ATP8B1: variants seen among roughly 807,000 people sequenced by gnomAD.
The protein encoded by ATP8B1 is phospholipid-transporting ATPase IC.
In ATP8B1, 80 loss-of-function variants were observed where a neutral mutation model predicts 149.9. The ratio of observed to expected loss-of-function variants is 0.53; its 90% CI spans 0.45 to 0.64. The LOEUF is 0.64. ATP8B1 is among the 30% of genes least tolerant of loss of function. The pLI is 0.00. For missense variants in ATP8B1, 1,247 were observed against 1,552.6 expected (o/e 0.80, Z 3.31); for synonymous variants, 536 against 562.8 (o/e 0.95, Z 0.67).
At chr18:57,782,076 A>G (rs2080362030) in intron 1 of ATP8B1, among the ~76,000 whole-genome samples, 1 of 152,256 alleles carries the variant, frequency 6.6e-6, no homozygotes, top group Non-Finnish European at 1.5e-5. Flanking sequence ...TGGCAAAACC[A>G]TACCTAACCC....
intron 4 of ATP8B1, among the ~76,000 whole-genome samples, chr18:57,702,585 C>T (rs1343659607): frequency 6.6e-6 from 1 of 152,198 alleles, no homozygotes; most frequent in South Asian, 2.1e-4. Context: ...GCGCCAGGCA[C>T]GGTAGCTCAT....
chr18:57,666,263 C>T (rs1910849165), intron 20 of ATP8B1, among the ~76,000 whole-genome samples: 3 of 152,096 alleles, frequency 2.0e-5, no homozygotes, highest in Non-Finnish European at 2.9e-5. Flanking sequence ...AGGTCTGCTG[C>T]GACTCTGATT....
intron 2 of ATP8B1, among the ~76,000 whole-genome samples, chr18:57,726,359 A>G (rs191481993): frequency 2.6e-4 from 40 of 152,380 alleles, no homozygotes; most frequent in Non-Finnish European, 5.0e-4. Context: ...TGAGATCACA[A>G]GTTAAAAAGC....
intron 2 of ATP8B1, among the ~76,000 whole-genome samples, chr18:57,710,280 T>G (rs62092577): frequency 1.9e-3 from 287 of 152,330 alleles, no homozygotes; most frequent in Non-Finnish European, 3.5e-3. Flanking sequence ...TCCATGTACA[T>G]GTACAGAGAT....
At position 57,687,391 on chromosome 18, in the gene ATP8B1, T is replaced by G. The variant is rs185504893; in HGVS notation, c.1429+908A>C. On this transcript the variant is annotated intron_variant, in intron 13 of 27. Transcript: ENST00000648908. ...CTTAGCATAATGTCCTTAACCCATT[T>G]ATGCCTAGTGTTCCATTATTGGAAC... Among the ~76,000 whole-genome samples the G allele has an allele frequency of 2.0e-5, 3 of 152,354 alleles. No homozygotes were observed. The East Asian group carries it at 5.8e-4, about 29-fold the overall frequency.
intron 1 of ATP8B1, among the ~76,000 whole-genome samples, chr18:57,798,703 C>T (rs6566902): frequency 0.12 from 17,979 of 152,202 alleles, 1,153 homozygotes; most frequent in African/African-American, 0.15. Context: ...GAGCATTCCA[C>T]GGGCTTCTAC....
chr18:57,689,723 A>G (rs1912435177), intron 12 of ATP8B1, among the ~76,000 whole-genome samples: 1 of 152,162 alleles, frequency 6.6e-6, no homozygotes, highest in South Asian at 2.1e-4. Flanking sequence ...CTCTGCAGAA[A>G]ATCAAAGCAG....
At chr18:57,672,449 G>A (rs1002459840) in intron 16 of ATP8B1, among the ~76,000 whole-genome samples, 6 of 152,198 alleles carry the variant, frequency 3.9e-5, no homozygotes, top group Admixed American at 2.0e-4. Flanking sequence ...CCTAAGGAGG[G>A]TGTAATAGTT....
intron 1 of ATP8B1, among the ~76,000 whole-genome samples, chr18:57,768,619 CT>C (rs1327103534): frequency 1.5e-5 from 2 of 136,560 alleles, no homozygotes; most frequent in African/African-American, 5.4e-5. Context: ...GCTTTTAAAG[CT>C]TTCTCTATTG....
At chr18:57,668,016 T>A in intron 19 of ATP8B1, 1 of 1,230,632 alleles carries the variant, frequency 8.1e-7, no homozygotes. Flanking sequence ...GTATACAATT[T>A]TATTGCCAAG....
intron 1 of ATP8B1, among the ~76,000 whole-genome samples, chr18:57,747,736 C>G (rs988864562): frequency 6.6e-6 from 1 of 152,126 alleles, no homozygotes; most frequent in Non-Finnish European, 1.5e-5. Context: ...TAAGACTGGT[C>G]GACAGAGCCT....
At chr18:57,735,314 C>G (rs1393426228) in intron 1 of ATP8B1, 1 of 154,748 alleles carries the variant, frequency 6.5e-6, no homozygotes, top group Admixed American at 6.5e-5. Context: ...CCTGATCGCG[C>G]TAAAGGCTTG....
At chr18:57,801,375 A>C (rs1374510896) in intron 1 of ATP8B1, among the ~76,000 whole-genome samples, 1 of 152,230 alleles carries the variant, frequency 6.6e-6, no homozygotes, top group Non-Finnish European at 1.5e-5. Flanking sequence ...CAGAGGAGTT[A>C]ACTGCAGGCA....
intron 15 of ATP8B1, among the ~76,000 whole-genome samples, chr18:57,675,988 G>C (rs562710238): frequency 6.6e-6 from 1 of 152,242 alleles, no homozygotes; most frequent in East Asian, 1.9e-4. Context: ...TTACAGGCAT[G>C]AGCCACTGCC....
At chr18:57,738,661 C>A (rs945822936) in intron 1 of ATP8B1, among the ~76,000 whole-genome samples, 1 of 151,288 alleles carries the variant, frequency 6.6e-6, no homozygotes, top group Non-Finnish European at 1.5e-5. Context: ...AAAATAAAGC[C>A]ATAAAACAGT....
intron 4 of ATP8B1, among the ~76,000 whole-genome samples, chr18:57,704,330 A>T (rs1021192199): frequency 1.3e-5 from 2 of 152,182 alleles, no homozygotes; most frequent in African/African-American, 4.8e-5. Context: ...ATAACATGAA[A>T]TTTTTTAAAA....
chr18:57,648,399 G>T lies in ATP8B1; in HGVS notation c.*89C>A. 1 of 1,372,310 alleles carries T rather than the reference G, an allele frequency of 7.3e-7. No homozygotes were observed. The highest frequency in any genetic ancestry group is 1.0e-6 in the Non-Finnish European group (1 of 966,144). The allele number at this position is 1,372,310 out of a possible 1,614,324, so 85.0% of individuals were successfully genotyped here. A position where few individuals can be genotyped will look rare whatever the true frequency, so the allele number is the denominator to read the frequency against. ...TGTCTTCAATATCTTTGTGATGAAT[G>T]CAATTCACACACACACACAAAGTCC... On this transcript the variant is annotated 3_prime_UTR_variant, in exon 28 of 28. Transcript: ENST00000648908.
chr18:57,690,461 A>T (rs1317875545), intron 12 of ATP8B1, among the ~76,000 whole-genome samples: 1 of 152,258 alleles, frequency 6.6e-6, no homozygotes, highest in African/African-American at 2.4e-5. Flanking sequence ...AGAAAAAAGA[A>T]ATCGTATTTG....
chr18:57,708,856 G>T (rs1180527751), intron 2 of ATP8B1, among the ~76,000 whole-genome samples: 1 of 152,104 alleles, frequency 6.6e-6, no homozygotes, highest in East Asian at 1.9e-4. Context: ...GCTCTGTCTG[G>T]TCCCAGCACT....
Sources: allele counts gnomAD v4.1 joint callset (sites outside exome capture counted in the v4.1 genomes callset), GRCh38; gene constraint gnomAD v4.1.1; transcripts MANE v1.5; gene names NCBI Gene and HGNC (gene_info 2026-07-23, HGNC 2026-07-21).